Variants in ADGRL3 observed in about 807,000 individuals in gnomAD.
ADGRL3 encodes calcium-independent alpha-latrotoxin receptor 3.
In ADGRL3, 62 loss-of-function variants were observed where a neutral mutation model predicts 153.5. The observed-to-expected ratio is 0.40, with a 90% CI of 0.33 to 0.50. The LOEUF is 0.50. Among genes scored for constraint, ADGRL3 ranks in the 20% least tolerant of loss-of-function variants. The pLI is 0.47. For missense variants in ADGRL3, 1,641 were observed against 1,859.4 expected (o/e 0.88, Z 2.16); for synonymous variants, 710 against 672.5 (o/e 1.06, Z -0.86).
chr4:61,266,078 C>CA (rs2092827859), intron 1 of ADGRL3, among the ~76,000 whole-genome samples: 1 of 151,776 alleles, frequency 6.6e-6, no homozygotes, highest in African/African-American at 2.4e-5. Context: ...TAATTTGCAC[C>CA]ATTTCAGGTA....
intron 5 of ADGRL3, among the ~76,000 whole-genome samples, chr4:61,601,645 T>C (rs1240589871): frequency 6.6e-6 from 1 of 152,164 alleles, no homozygotes; most frequent in Admixed American, 6.5e-5. Flanking sequence ...GTTTACATGC[T>C]AAGACTCATA....
chr4:61,575,562 T>C (rs2098870474), intron 4 of ADGRL3, among the ~76,000 whole-genome samples: 1 of 152,006 alleles, frequency 6.6e-6, no homozygotes, highest in African/African-American at 2.4e-5. Context: ...CCTGCCCCCA[T>C]CTACTTTGTG....
intron 1 of ADGRL3, among the ~76,000 whole-genome samples, chr4:61,216,634 A>C (rs985500375): frequency 6.6e-6 from 1 of 152,206 alleles, no homozygotes; most frequent in Non-Finnish European, 1.5e-5. Flanking sequence ...TACTGGGCTT[A>C]ATAAACACAC....
At chr4:61,344,257 T>A (rs979347882) in intron 1 of ADGRL3, among the ~76,000 whole-genome samples, 24 of 152,094 alleles carry the variant, frequency 1.6e-4, no homozygotes, top group Admixed American at 7.9e-4. Context: ...GAAAAGTAGA[T>A]ACATTTTTTT....
chr4:61,248,166 G>A (rs954902871), intron 1 of ADGRL3, among the ~76,000 whole-genome samples: 3 of 151,946 alleles, frequency 2.0e-5, no homozygotes, highest in African/African-American at 7.3e-5. Flanking sequence ...TTCTTTAGCA[G>A]TTAGATCAAG....
intron 2 of ADGRL3, among the ~76,000 whole-genome samples, chr4:61,394,193 T>C (rs1331922993): frequency 2.6e-5 from 4 of 151,996 alleles, no homozygotes; most frequent in Non-Finnish European, 5.9e-5. Context: ...GATAGAGTAT[T>C]GGATAAAGAA....
intron 8 of ADGRL3, among the ~76,000 whole-genome samples, chr4:61,765,021 T>A (rs2152246011): frequency 6.6e-6 from 1 of 152,162 alleles, no homozygotes; most frequent in East Asian, 1.9e-4. Context: ...GGTCTAAGAA[T>A]TGGGACGACT....
rs778437098 is a variant in ADGRL3, at chr4:61,704,250, T to A, written c.584-26372T>A. ...TAAATATTTCCATATGAAGTGCCCT[T>A]CTGTGAGTACAGGCATACCTCAGAG... On this transcript the variant is annotated intron_variant, in intron 6 of 26. Transcript: ENST00000683033. Among the ~76,000 whole-genome samples the A allele has an allele frequency of 9.9e-4, 150 of 152,152 alleles. 3 individuals are homozygous for A. The highest frequency in any genetic ancestry group is 3.7e-4 in the Non-Finnish European group (25 of 68,030).
Position 61,263,793 on chromosome 4 carries a change from C to T in ADGRL3, c.-240+62028C>T, listed in dbSNP as rs150603767. On this transcript the variant is annotated intron_variant, in intron 1 of 26. Coordinates refer to ENST00000683033, the MANE Select transcript of ADGRL3 (RefSeq NM_001387552.1). ...AAGTATTGAAACAGTAAGCAACACCCATACCATAAAGTAGAAGTGATTCAT... is the reference window on the plus strand; with the variant it reads ...AAGTATTGAAACAGTAAGCAACACCTATACCATAAAGTAGAAGTGATTCAT... 3.3e-5 allele frequency among the ~76,000 whole-genome samples: 5 copies of T among 151,998 alleles called. No homozygotes were observed. In the East Asian group the frequency reaches 7.7e-4, roughly 23 times the overall value.
At chr4:61,386,436 T>A (rs970314824) in intron 2 of ADGRL3, among the ~76,000 whole-genome samples, 1 of 152,170 alleles carries the variant, frequency 6.6e-6, no homozygotes, top group Non-Finnish European at 1.5e-5. Flanking sequence ...TTAATGATAG[T>A]ACACAGCAAA....
At chr4:61,405,871 C>T (rs953283077) in intron 2 of ADGRL3, among the ~76,000 whole-genome samples, 1 of 151,954 alleles carries the variant, frequency 6.6e-6, no homozygotes, top group African/African-American at 2.4e-5. Context: ...TATAATTCAA[C>T]ATCTGGTTGT....
At chr4:61,732,669 G>T in intron 7 of ADGRL3, 85 bp from the exon 8 acceptor site, 2 of 652,360 alleles carry the variant, frequency 3.1e-6, no homozygotes, top group Non-Finnish European at 4.6e-6. Context: ...TGTTAGAGTT[G>T]CATTCCATTT....
At chr4:61,701,069 C>A (rs2095749468) in intron 6 of ADGRL3, among the ~76,000 whole-genome samples, 1 of 151,880 alleles carries the variant, frequency 6.6e-6, no homozygotes, top group South Asian at 2.1e-4. Flanking sequence ...GTATGAGGTA[C>A]AATTGAAATT....
intron 9 of ADGRL3, among the ~76,000 whole-genome samples, chr4:61,851,022 G>A (rs1030026888): frequency 4.6e-5 from 7 of 152,110 alleles, no homozygotes; most frequent in Admixed American, 2.6e-4. Flanking sequence ...TGAACCAAGT[G>A]TCATTTTTAA....
At chr4:61,632,645 C>T (rs1274929737) in intron 5 of ADGRL3, among the ~76,000 whole-genome samples, 2 of 152,138 alleles carry the variant, frequency 1.3e-5, no homozygotes, top group Non-Finnish European at 2.9e-5. Context: ...TTTTCAGAGC[C>T]TTGTTATACC....
At chr4:61,482,660 G>A (rs918709284) in intron 2 of ADGRL3, among the ~76,000 whole-genome samples, 2 of 152,094 alleles carry the variant, frequency 1.3e-5, no homozygotes. Context: ...AGGGATCAAA[G>A]TGGTGGTATC....
chr4:62,031,727 C>A, intron 23 of ADGRL3, 117 bp downstream of exon 23: 1 of 699,776 alleles, frequency 1.4e-6, no homozygotes, highest in Non-Finnish European at 2.2e-6. Flanking sequence ...AATAAAGATA[C>A]TCATCATTTA....
chr4:61,437,250 T>A, intron 2 of ADGRL3, among the ~76,000 whole-genome samples: 1 of 151,196 alleles, frequency 6.6e-6, no homozygotes, highest in East Asian at 2.0e-4. Context: ...ATTAAACTCC[T>A]ATATAAAACA....
chr4:61,751,869 G>A (rs776420982), intron 8 of ADGRL3, among the ~76,000 whole-genome samples: 16 of 151,984 alleles, frequency 1.1e-4, no homozygotes, highest in Non-Finnish European at 2.2e-4. Context: ...AATGAAGAAA[G>A]GAAAGGAGAA....
Sources: gnomAD v4.1 joint callset for allele counts (sites outside exome capture counted in the v4.1 genomes callset) on GRCh38, gnomAD v4.1.1 for gene constraint, MANE v1.5 for transcripts, NCBI Gene and HGNC (gene_info 2026-07-23, HGNC 2026-07-21) for gene names.